Variants in PTPRS observed in about 807,000 individuals in gnomAD.
The protein encoded by PTPRS is receptor-type tyrosine-protein phosphatase S.
In PTPRS, 63 loss-of-function variants were observed where a neutral mutation model predicts 215.3. The ratio of observed to expected loss-of-function variants is 0.29; its 90% CI spans 0.24 to 0.36. The LOEUF (loss-of-function observed/expected upper bound fraction) is 0.36. Ranked by LOEUF, PTPRS falls within the 10% of genes least tolerant of loss-of-function variation. The pLI is 1.00. For missense variants in PTPRS, 2,258 were observed against 2,825.8 expected, an observed-to-expected ratio of 0.80 and a Z score of 4.56; for synonymous variants, 1,404 against 1,191.4, an observed-to-expected ratio of 1.18 and a Z score of -3.68.
rs961599360 is a variant in PTPRS, at chr19:5,237,181, C to T, written c.1849+1738G>A. Among the ~76,000 whole-genome samples the T allele has an allele frequency of 1.3e-5, 2 of 152,192 alleles. No individual in the cohort carries two copies. Among genetic ancestry groups the T allele is most frequent in the Non-Finnish European group, 2.9e-5 (2 of 68,042 alleles). ...CCTGCTCCAGCCCCCAGCGTGCGCA[C>T]GCTGAGGTTCCAGGCTGGAGGCAGG... On this transcript the variant is annotated intron_variant, in intron 13 of 37. Transcript: ENST00000262963. The surrounding 1 kb of genome is among the most constrained non-coding windows in gnomAD (Gnocchi z 4.2).
At position 5,230,401 on chromosome 19, in the gene PTPRS, G is replaced by A. The variant is rs572851623; in HGVS notation, c.2156-717C>T. Among the ~76,000 whole-genome samples, 49 of 152,222 alleles carry A rather than the reference G, an allele frequency of 3.2e-4. 2 individuals carry two copies. Among genetic ancestry groups the A allele is most frequent in the South Asian group, 2.5e-3 (12 of 4,824 alleles). ...CAGCTTTGAACTCCTGGGCTTAAGC[G>A]ATCCTCCCACCTCAGCCTCCCAAGT... On this transcript the variant is annotated intron_variant, in intron 14 of 37. Coordinates refer to ENST00000262963, the MANE Select transcript of PTPRS (RefSeq NM_002850.4).
At chr19:5,313,465 G>A (rs948976318) in intron 1 of PTPRS, among the ~76,000 whole-genome samples, 5 of 152,322 alleles carry the variant, frequency 3.3e-5, no homozygotes, top group East Asian at 1.9e-4. Flanking sequence ...GGAGCGAGGC[G>A]GCTGGCTCGT....
chr19:5,277,306 G>C (rs1026803423), intron 2 of PTPRS, among the ~76,000 whole-genome samples: 3 of 152,024 alleles, frequency 2.0e-5, no homozygotes, highest in South Asian at 2.1e-4. Flanking sequence ...CAATAAAAAG[G>C]AACTGATCAA....
chr19:5,304,394 C>T (rs1333592347), intron 1 of PTPRS, among the ~76,000 whole-genome samples: 8 of 152,026 alleles, frequency 5.3e-5, no homozygotes, highest in Non-Finnish European at 1.0e-4. Flanking sequence ...GCAGGAGGAT[C>T]GCTTGAATCC....
rs2045691956 is a variant in PTPRS at position 5,257,902 on chromosome 19, G to GC, written c.706+114dup. 2.4e-6 allele frequency: 2 copies of GC among 845,264 alleles called. No individual in the cohort carries two copies. The highest frequency in any genetic ancestry group is 3.4e-5 in the African/African-American group (2 of 59,120). The allele number at this position is 845,264 out of a possible 1,614,324, so 52.4% of individuals were successfully genotyped here. ...AAGGTCCCACCGCGACCGGGGAGGG[G>GC]CCTTCCTGCTTGGGTGTGCAGGGGA... is the stretch of plus-strand genomic sequence containing the variant. On this transcript the variant is annotated intron_variant, in intron 8 of 37. Coordinates refer to ENST00000262963, the MANE Select transcript of PTPRS (RefSeq NM_002850.4). The surrounding 1 kb of genome is among the most constrained non-coding windows in gnomAD (Gnocchi z 4.4).
chr19:5,225,160 G>A (rs762713134), intron 17 of PTPRS, among the ~76,000 whole-genome samples: 1 of 152,158 alleles, frequency 6.6e-6, no homozygotes, highest in African/African-American at 2.4e-5. Flanking sequence ...ACAATGGAGG[G>A]GCTAGAAGGG....
At chr19:5,224,813 T>C (rs2042328678) in intron 17 of PTPRS, among the ~76,000 whole-genome samples, 1 of 151,826 alleles carries the variant, frequency 6.6e-6, no homozygotes, top group Admixed American at 6.6e-5. Context: ...GCAGACAAGG[T>C]GCGTGAAGGG....
At chr19:5,268,838 A>C (rs549279927) in intron 4 of PTPRS, among the ~76,000 whole-genome samples, 56 of 152,300 alleles carry the variant, frequency 3.7e-4, no homozygotes, top group Admixed American at 3.4e-3. Flanking sequence ...AGCTCAGAAG[A>C]AGCTGAGCAG....
rs775620030 is a variant in PTPRS at position 5,210,578 on chromosome 19, T to A, written c.5378A>T (p.Tyr1793Phe). ...GCGGGCAGAGCGCTCGGCCGGCCAG[T>A]ACTGGTGACACTTCTCCTGTGGAGG... Reference protein sequence around the residue: ...REMGREKCHQYWPAERSARYQ... With the variant: ...REMGREKCHQFWPAERSARYQ... The change falls in exon 35 of 38, where the codon TAC (tyrosine) becomes TTC (phenylalanine). Residue 1793 changes from tyrosine (Y) to phenylalanine (F), a missense_variant. By Grantham distance (22) the Tyr-to-Phe change is conservative (BLOSUM62 3). Around this residue, in one of 6 missense-constraint regions of PTPRS, gnomAD observed 927 missense variants for 1,125.9 expected, o/e 0.82. Coordinates refer to ENST00000262963, the MANE Select transcript of PTPRS (RefSeq NM_002850.4). The surrounding 1 kb of genome is among the most constrained non-coding windows in gnomAD (Gnocchi z 4.5). The A allele has an allele frequency of 1.2e-6, 2 of 1,614,202 alleles. No homozygotes were observed. The highest frequency in any genetic ancestry group is 1.7e-6 in the Non-Finnish European group (2 of 1,180,020).
intron 2 of PTPRS, among the ~76,000 whole-genome samples, chr19:5,283,273 T>G (rs4807707): frequency 4.8e-4 from 24 of 49,648 alleles, no homozygotes; most frequent in African/African-American, 1.5e-3. Flanking sequence ...CAGCACTTTC[T>G]CCTGTCACCC....
At chr19:5,285,146 G>T (rs1009911508) in intron 2 of PTPRS, among the ~76,000 whole-genome samples, 1 of 152,198 alleles carries the variant, frequency 6.6e-6, no homozygotes, top group South Asian at 2.1e-4. Flanking sequence ...GCTGGATGTG[G>T]ATAATGATAT....
intron 1 of PTPRS, among the ~76,000 whole-genome samples, chr19:5,316,403 T>G (rs1029933633): frequency 1.3e-5 from 2 of 152,184 alleles, no homozygotes; most frequent in Admixed American, 1.3e-4. Flanking sequence ...TTCTTTCTTT[T>G]TTCTTTTGAG....
intron 25 of PTPRS, among the ~76,000 whole-genome samples, chr19:5,218,026 T>C (rs2041641326): frequency 6.6e-6 from 1 of 151,994 alleles, no homozygotes; most frequent in Non-Finnish European, 1.5e-5. Flanking sequence ...GTGTGGAAAA[T>C]GGCTGAGGGC....
Position 5,295,235 on chromosome 19 carries a change from G to T in PTPRS, c.-94-9001C>A, listed in dbSNP as rs968979618. Among the ~76,000 whole-genome samples, 13 of 152,364 alleles carry T rather than the reference G, an allele frequency of 8.5e-5. No individual in the cohort carries two copies. Among genetic ancestry groups the T allele is most frequent in the African/African-American group, 2.2e-4 (9 of 41,588 alleles). On this transcript the variant is annotated intron_variant, in intron 1 of 37. Coordinates refer to ENST00000262963, the MANE Select transcript of PTPRS (RefSeq NM_002850.4). This position sits in a 1 kb window ranked among gnomAD's most constrained non-coding sequence, Gnocchi z 4.6. ...AACAGGTGCTCAATGAATCCACACT[G>T]TCAGGAGGCTTGGGGCTGCATGACC... is the stretch of plus-strand genomic sequence containing the variant.
rs1377623190 is a variant in PTPRS, at chr19:5,231,468, G to A, written c.1997C>T (p.Pro666Leu). ...VRYRPLGSED[P>L]EPKEVNGIPP... Reference sequence around the variant, plus strand: ...GATGCCGTTCACCTCCTTGGGTTCCGGGTCCTCTGAGCCCAGCGGTCGGTA... The same window carrying A: ...GATGCCGTTCACCTCCTTGGGTTCCAGGTCCTCTGAGCCCAGCGGTCGGTA... The change falls in exon 14 of 38, where the codon CCG becomes CTG. Residue 666 changes from proline to leucine, a missense_variant. Pro to Leu is a moderately conservative substitution (Grantham distance 98, BLOSUM62 -3). Transcript: ENST00000262963. The A allele has an allele frequency of 4.3e-6, 7 of 1,612,824 alleles. No individual in the cohort carries two copies. The highest frequency in any genetic ancestry group is 1.1e-5 in the South Asian group (1 of 91,082).
chr19:5,210,907 C>T lies in PTPRS; in HGVS notation c.5235-102G>A. ...GTCAGGACCAAGCCAGTGACAGCTA[C>T]ACCTACCACCCCACTGCCTGCCAGG... On this transcript the variant is annotated intron_variant, in intron 33 of 37. Transcript: ENST00000262963. The surrounding 1 kb of genome is among the most constrained non-coding windows in gnomAD (Gnocchi z 4.5). 1 of 1,446,964 alleles carries T rather than the reference C, an allele frequency of 6.9e-7. No individual in the cohort carries two copies. 89.6% of individuals were successfully genotyped at this position (1,446,964 alleles called of 1,614,324 possible).
At position 5,269,764 on chromosome 19, in the gene PTPRS, T is replaced by C. The variant is rs2046744215; in HGVS notation, c.379+3678A>G. On this transcript the variant is annotated intron_variant, in intron 4 of 37. Transcript: ENST00000262963. ...GGCGAAACACTGTGTCTACTAAAAA[T>C]ACAAAAATTAGCTGGGCGTGCTAGT... 2.0e-5 allele frequency among the ~76,000 whole-genome samples: 3 copies of C among 151,650 alleles called. No homozygotes were observed. The South Asian group carries it at 6.3e-4, about 32-fold the overall frequency.
intron 37 of PTPRS, among the ~76,000 whole-genome samples, chr19:5,207,316 C>T (rs1046274232): frequency 2.0e-5 from 3 of 152,224 alleles, no homozygotes; most frequent in African/African-American, 7.2e-5. Context: ...AACTCCTGAC[C>T]TCGGGTGATC....
chr19:5,216,843 C>A, intron 25 of PTPRS, 76 bp from the exon 26 acceptor site: 2 of 973,826 alleles, frequency 2.1e-6, no homozygotes, highest in Non-Finnish European at 3.2e-6. Flanking sequence ...TCCCCCACCC[C>A]TCACTGGCTG....
Sources: gnomAD v4.1 joint callset for allele counts (sites outside exome capture counted in the v4.1 genomes callset) on GRCh38, gnomAD v4.1.1 for gene constraint, gnomAD v4.1.1 regional missense constraint, Gnocchi (gnomAD v3.1) non-coding constraint, MANE v1.5 for transcripts, NCBI Gene and HGNC (gene_info 2026-07-23, HGNC 2026-07-21) for gene names.